Variants in SIL1 observed in about 807,000 individuals in gnomAD.
SIL1 encodes the protein nucleotide exchange factor SIL1.
A neutral mutation model predicts 49.1 loss-of-function variants in SIL1; 40 were observed. That is an observed-to-expected ratio of 0.81 (90% CI 0.63 to 1.06). SIL1 has a LOEUF of 1.06. Among genes scored for constraint, SIL1 ranks in the 50% least tolerant of loss-of-function variants. The pLI, the probability that SIL1 is intolerant of heterozygous loss-of-function variation, is 0.00. For missense variants in SIL1, 500 were observed against 572.6 expected, an observed-to-expected ratio of 0.87 and a Z score of 1.29; for synonymous variants, 253 against 250.8, an observed-to-expected ratio of 1.01 and a Z score of -0.08.
chr5:139,135,985 T>A lies in SIL1; in HGVS notation c.-10-8132A>T, dbSNP rs181337217. On this transcript the variant is annotated intron_variant, in intron 1 of 9. Coordinates refer to ENST00000394817, the MANE Select transcript of SIL1 (RefSeq NM_022464.5). ...GGGAGGCTGAGACAGGAGAATCTCT[T>A]GAACCTAGGAAGCAGAGGTTGCAGT... Among the ~76,000 whole-genome samples the A allele has an allele frequency of 7.2e-5, 11 of 152,230 alleles. No homozygotes were observed. The East Asian group carries it at 1.9e-3, about 27-fold the overall frequency.
chr5:139,058,800 T>G (rs1229597851), intron 3 of SIL1, among the ~76,000 whole-genome samples: 1 of 152,182 alleles, frequency 6.6e-6, no homozygotes, highest in Non-Finnish European at 1.5e-5. Context: ...TCCCCAGCCC[T>G]GGAATCAGCC....
At chr5:139,122,185 C>A (rs59847828) in intron 2 of SIL1, among the ~76,000 whole-genome samples, 25,583 of 152,024 alleles carry the variant, frequency 0.17, 3,279 homozygotes, top group African/African-American at 0.36. Flanking sequence ...TCCTATGAGC[C>A]CAGACCCGTG....
intron 1 of SIL1, among the ~76,000 whole-genome samples, chr5:139,197,268 C>CAAAA (rs11363617): frequency 1.0e-4 from 6 of 58,802 alleles, no homozygotes; most frequent in Admixed American, 2.2e-4. Context: ...AACTCCGCCT[C>CAAAA]AAAAAAAAAA....
At chr5:139,170,309 C>G (rs1394475932) in intron 1 of SIL1, among the ~76,000 whole-genome samples, 1 of 151,908 alleles carries the variant, frequency 6.6e-6, no homozygotes, top group East Asian at 1.9e-4. Context: ...AAGTGAGGAG[C>G]GTCTCTGCTT....
At chr5:139,081,690 C>T (rs1432285438) in intron 3 of SIL1, among the ~76,000 whole-genome samples, 2 of 151,728 alleles carry the variant, frequency 1.3e-5, no homozygotes, top group Non-Finnish European at 2.9e-5. Context: ...ACCAGCCTGG[C>T]CAACATGGTG....
rs1366146699 is a variant in SIL1 at position 138,947,118 on chromosome 5, C to T, written c.1385G>A (p.Ter462=). 1 of 1,611,798 alleles carries T rather than the reference C, an allele frequency of 6.2e-7. No homozygotes were observed. The highest frequency in any genetic ancestry group is 8.5e-7 in the Non-Finnish European group (1 of 1,178,778). The change falls in exon 10 of 10, where the codon TGA becomes TAA. Residue 462 remains the stop codon, a stop_retained_variant. Coordinates refer to ENST00000394817, the MANE Select transcript of SIL1 (RefSeq NM_022464.5). The surrounding 1 kb of genome is among the most constrained non-coding windows in gnomAD (Gnocchi z 4.1). ...CCAGTCCAGTCCTGGTGTGGGGCCT[C>T]ATCTCAGCTCCTTCAGCAAGCTGTT... ...SVNSLLKELR[*]
At chr5:139,192,320 T>C (rs549291215) in intron 1 of SIL1, among the ~76,000 whole-genome samples, 5 of 152,122 alleles carry the variant, frequency 3.3e-5, no homozygotes, top group Middle Eastern at 3.4e-3. Flanking sequence ...CTCTTTCCCA[T>C]CACAAGACTG....
intron 3 of SIL1, among the ~76,000 whole-genome samples, chr5:139,098,809 C>CTTTTT (rs59863544): frequency 0.023 from 2,091 of 89,030 alleles, 49 homozygotes; most frequent in Non-Finnish European, 0.03. Context: ...TTTTCTTACT[C>CTTTTT]TTTTTTTTTT....
Position 139,142,831 on chromosome 5 carries a change from C to T in SIL1, c.-10-14978G>A, listed in dbSNP as rs570849347. Among the ~76,000 whole-genome samples the T allele has an allele frequency of 4.3e-4, 65 of 152,036 alleles. 1 individual carries two copies. Among genetic ancestry groups the T allele is most frequent in the Admixed American group, 7.2e-4 (11 of 15,276 alleles). On this transcript the variant is annotated intron_variant, in intron 1 of 9. Coordinates refer to ENST00000394817, the MANE Select transcript of SIL1 (RefSeq NM_022464.5). ...TTGCCCAGGCTGGAGTGCAGTGGCG[C>T]GATCTCGGTTCACTGCAAGCTCTGC...
intron 3 of SIL1, among the ~76,000 whole-genome samples, chr5:139,111,695 C>T (rs1770842093): frequency 6.6e-6 from 1 of 152,146 alleles, no homozygotes; most frequent in Admixed American, 6.5e-5. Flanking sequence ...ATTGCCCTTT[C>T]AGTTCTCCTC....
chr5:139,073,709 A>G (rs1753557293), intron 3 of SIL1, among the ~76,000 whole-genome samples: 1 of 152,148 alleles, frequency 6.6e-6, no homozygotes, highest in Non-Finnish European at 1.5e-5. Flanking sequence ...TGGGAGACCG[A>G]GGCAGGTGGA....
intron 3 of SIL1, among the ~76,000 whole-genome samples, chr5:139,059,631 A>T (rs540462988): frequency 1.3e-5 from 2 of 152,334 alleles, no homozygotes; most frequent in Admixed American, 1.3e-4. Context: ...GTAACAAAAG[A>T]GGACATCAAC....
At chr5:139,164,103 C>G (rs186990359) in intron 1 of SIL1, among the ~76,000 whole-genome samples, 2 of 101,868 alleles carry the variant, frequency 2.0e-5, no homozygotes, top group Admixed American at 2.2e-4. Context: ...TGGGCAACAA[C>G]AAGAGAATGT....
chr5:139,171,929 A>G (rs575034211), intron 1 of SIL1, among the ~76,000 whole-genome samples: 2 of 152,216 alleles, frequency 1.3e-5, no homozygotes, highest in South Asian at 4.1e-4. Context: ...AAAGAAACCA[A>G]AAATTCTAGA....
At chr5:139,117,727 G>A (rs1052714071) in intron 3 of SIL1, among the ~76,000 whole-genome samples, 1 of 152,124 alleles carries the variant, frequency 6.6e-6, no homozygotes, top group Non-Finnish European at 1.5e-5. Context: ...AAAGAGACAG[G>A]AAAATCACTT....
intron 7 of SIL1, among the ~76,000 whole-genome samples, chr5:138,988,956 T>C (rs1484247751): frequency 6.6e-5 from 10 of 152,210 alleles, no homozygotes; most frequent in Non-Finnish European, 1.5e-4. Context: ...CTGCCTTTCA[T>C]GTAAAAACAA....
chr5:139,170,551 C>A (rs553953788), intron 1 of SIL1, among the ~76,000 whole-genome samples: 2 of 151,042 alleles, frequency 1.3e-5, no homozygotes, highest in East Asian at 3.9e-4. Context: ...CACCTCTGCC[C>A]GGCCGCGACC....
chr5:138,971,585 T>G (rs558281229), intron 7 of SIL1, among the ~76,000 whole-genome samples: 1 of 152,156 alleles, frequency 6.6e-6, no homozygotes, highest in South Asian at 2.1e-4. Flanking sequence ...CCCCTGAACC[T>G]GGAAACCTCA....
In SIL1 at chr5:139,179,989, G is replaced by A. The variant is rs186713535; in HGVS notation, c.-11+18280C>T. ...GAGGATCTCTTGACCTCAGGAAGTC[G>A]AGGCTGCAGTGAGCCAAGACTGTGC... On this transcript the variant is annotated intron_variant, in intron 1 of 9. Transcript: ENST00000394817. Among the ~76,000 whole-genome samples the A allele has an allele frequency of 5.3e-5, 8 of 151,368 alleles. No individual in the cohort carries two copies. The East Asian group carries it at 1.4e-3, about 26-fold the overall frequency.
Sources: allele counts gnomAD v4.1 joint callset (sites outside exome capture counted in the v4.1 genomes callset), GRCh38; gene constraint gnomAD v4.1.1; non-coding constraint Gnocchi (gnomAD v3.1); transcripts MANE v1.5; gene names NCBI Gene and HGNC (gene_info 2026-07-23, HGNC 2026-07-21).